Variants in FKBP5 observed in about 807,000 individuals in gnomAD.
FKBP5 encodes FKBP prolyl isomerase 5.
Under a neutral mutation model 50.5 loss-of-function variants are expected in FKBP5, and 23 were observed. That is an observed-to-expected ratio of 0.46 (90% CI 0.33 to 0.65). FKBP5 has a LOEUF of 0.65. FKBP5 is among the 30% of genes least tolerant of loss of function. The pLI is 0.02. For synonymous variants in FKBP5, 176 were observed against 190.6 expected (o/e 0.92, Z 0.63); for missense variants, 411 against 553.1 (o/e 0.74, Z 2.58).
intron 6 of FKBP5, 26 bp downstream of exon 6, chr6:35,597,222 G>A (rs1452227937): frequency 6.8e-6 from 11 of 1,611,614 alleles, no homozygotes; most frequent in Non-Finnish European, 9.3e-6. Context: ...TGACTTCACT[G>A]TGTTCCAAAC....
intron 1 of FKBP5, among the ~76,000 whole-genome samples, chr6:35,682,692 A>C (rs1765701589): frequency 6.6e-6 from 1 of 152,174 alleles, no homozygotes; most frequent in Non-Finnish European, 1.5e-5. Flanking sequence ...ATTTTTCTTC[A>C]TCTCTTATTC....
intron 3 of FKBP5, among the ~76,000 whole-genome samples, chr6:35,627,746 C>T (rs1764042408): frequency 6.6e-6 from 1 of 151,872 alleles, no homozygotes; most frequent in African/African-American, 2.4e-5. Context: ...GCCTTTCCTC[C>T]ATATTCTTTA....
intron 1 of FKBP5, among the ~76,000 whole-genome samples, chr6:35,685,982 C>CAAAAAA (rs60786619): frequency 6.7e-4 from 31 of 46,106 alleles, no homozygotes; most frequent in Non-Finnish European, 1.3e-3. Flanking sequence ...AACGCCATCT[C>CAAAAAA]AAAAAAAAAA....
intron 8 of FKBP5, chr6:35,582,832 T>C (rs371128385): frequency 4.1e-6 from 4 of 985,228 alleles, no homozygotes; most frequent in Non-Finnish European, 2.4e-6. Flanking sequence ...AGCATTGTCC[T>C]CTCCCTTTTG....
intron 3 of FKBP5, among the ~76,000 whole-genome samples, chr6:35,634,019 T>C (rs182564277): frequency 1.0e-3 from 152 of 152,242 alleles, no homozygotes; most frequent in Middle Eastern, 6.8e-3. Context: ...ACTCAGAAAA[T>C]CTTCTTACTC....
At chr6:35,617,556 A>C (rs1436677722) in intron 5 of FKBP5, among the ~76,000 whole-genome samples, 2 of 152,174 alleles carry the variant, frequency 1.3e-5, no homozygotes, top group African/African-American at 4.8e-5. Context: ...TCCTTGTTGA[A>C]TGATTTGATT....
chr6:35,578,333 C>T (rs566320241), intron 9 of FKBP5, among the ~76,000 whole-genome samples: 13 of 152,288 alleles, frequency 8.5e-5, no homozygotes, highest in African/African-American at 3.1e-4. Flanking sequence ...TTACAGGTCA[C>T]AGGTGTAAAC....
chr6:35,687,795 AATTCT>A (rs1765873445), intron 1 of FKBP5, among the ~76,000 whole-genome samples: 1 of 152,186 alleles, frequency 6.6e-6, no homozygotes, highest in East Asian at 1.9e-4. Flanking sequence ...GGGTATCTAC[AATTCT>A]GCATCTCCGC....
At position 35,575,378 on chromosome 6, in the gene FKBP5, AAAC is replaced by A. The variant is rs1224833922; in HGVS notation, c.*454_*456del. The A allele has an allele frequency of 1.3e-5, 2 of 159,072 alleles. No homozygotes were observed. The highest frequency in any genetic ancestry group is 4.8e-5 in the African/African-American group (2 of 41,576). The allele number at this position is 159,072 out of a possible 1,614,324, so 9.9% of individuals were successfully genotyped here. A position where few individuals can be genotyped will look rare whatever the true frequency, so the allele number is the denominator to read the frequency against. On this transcript the variant is annotated 3_prime_UTR_variant, in exon 11 of 11. Coordinates refer to ENST00000357266, the MANE Select transcript of FKBP5 (RefSeq NM_004117.4). ...ATTTATAGCACTTCAGTCATTTAAA[AAAC>A]AAAAGCTTATCCTCCTTCCCCTACC...
chr6:35,643,962 GGT>G (rs1393969310), intron 1 of FKBP5, among the ~76,000 whole-genome samples: 2 of 152,032 alleles, frequency 1.3e-5, no homozygotes, highest in African/African-American at 4.8e-5. Flanking sequence ...GGAATTTGGG[GGT>G]GTTCTTCCTC....
chr6:35,651,911 C>T, intron 1 of FKBP5: 1 of 1,142,368 alleles, frequency 8.8e-7, no homozygotes, highest in Non-Finnish European at 1.1e-6. Context: ...ACTCATTGTT[C>T]AGTATGAGTT....
rs1474998951 is a variant in FKBP5 at position 35,587,089 on chromosome 6, T to C, written c.785A>G (p.Lys262Arg). ...KAKESWEMDT[K>R]EKLEQAAIVK... ...AATGGCAGCCTGCTCCAATTTTTCT[T>C]TGGTATCCATCTCCCAGGATTCTTT... The change falls in exon 8 of 11, where the codon AAA becomes AGA. Residue 262 changes from lysine (K) to arginine (R), a missense_variant. Physicochemically the swap from Lys to Arg is conservative, Grantham distance 26. Around this residue, in one of 3 missense-constraint regions of FKBP5, gnomAD observed 267 missense variants for 405.9 expected, o/e 0.66. Coordinates refer to ENST00000357266, the MANE Select transcript of FKBP5 (RefSeq NM_004117.4). The C allele has an allele frequency of 1.9e-6, 3 of 1,614,142 alleles. No individual in the cohort carries two copies. The highest frequency in any genetic ancestry group is 2.5e-6 in the Non-Finnish European group (3 of 1,179,994).
intron 2 of FKBP5, among the ~76,000 whole-genome samples, chr6:35,641,486 A>G (rs1306294861): frequency 6.6e-6 from 1 of 152,192 alleles, no homozygotes; most frequent in African/African-American, 2.4e-5. Context: ...CCATGCTACA[A>G]CAGCTATGGC....
intron 2 of FKBP5, among the ~76,000 whole-genome samples, chr6:35,640,111 C>T (rs1283044535): frequency 6.6e-6 from 1 of 152,178 alleles, no homozygotes; most frequent in African/African-American, 2.4e-5. Flanking sequence ...TGAAGAAACA[C>T]ACACAGTCAT....
rs200610025 is a variant in FKBP5 at position 35,656,987 on chromosome 6, G to GGATC, written c.-19-14148_-19-14145dup. Among the ~76,000 whole-genome samples, 637 of 151,828 alleles carry GGATC rather than the reference G, an allele frequency of 4.2e-3. 3 individuals carry two copies. The highest frequency in any genetic ancestry group is 0.014 in the African/African-American group (572 of 41,434). ...AGCACTTTGGGAGGCTGAGGTGGGT[G>GGATC]GATCACAAGGTCAGGAGATCGAGAC... On this transcript the variant is annotated intron_variant, in intron 1 of 10. Transcript: ENST00000357266.
intron 1 of FKBP5, among the ~76,000 whole-genome samples, chr6:35,722,744 C>T (rs546696504): frequency 1.5e-4 from 23 of 152,352 alleles, no homozygotes; most frequent in Non-Finnish European, 2.2e-4. Context: ...CAATTCCTCT[C>T]TCCCTGAACC....
chr6:35,634,474 C>T (rs1024856019), intron 3 of FKBP5, among the ~76,000 whole-genome samples: 4 of 152,108 alleles, frequency 2.6e-5, no homozygotes, highest in Non-Finnish European at 4.4e-5. Flanking sequence ...AGAGCAGGGG[C>T]GTGGCCAGAA....
At chr6:35,625,604 T>A (rs1476709848) in intron 3 of FKBP5, among the ~76,000 whole-genome samples, 3 of 148,428 alleles carry the variant, frequency 2.0e-5, no homozygotes, top group Admixed American at 2.0e-4. Flanking sequence ...GGCGTGGTGG[T>A]GAGTGCCTGT....
intron 1 of FKBP5, among the ~76,000 whole-genome samples, chr6:35,666,420 G>T (rs1056912026): frequency 6.8e-5 from 2 of 29,234 alleles, no homozygotes; most frequent in Non-Finnish European, 1.7e-4. Context: ...AAAAAAAAAA[G>T]GAGGGGAGTG....
Sources: gnomAD v4.1 joint callset for allele counts (sites outside exome capture counted in the v4.1 genomes callset) on GRCh38, gnomAD v4.1.1 for gene constraint, gnomAD v4.1.1 regional missense constraint, MANE v1.5 for transcripts, NCBI Gene and HGNC (gene_info 2026-07-23, HGNC 2026-07-21) for gene names.